Variants in CNNM2 observed in about 807,000 individuals in gnomAD.
The protein encoded by CNNM2 is metal transporter CNNM2.
A neutral mutation model predicts 66.9 loss-of-function variants in CNNM2; 12 were observed. That is an observed-to-expected ratio of 0.18 (90% CI 0.11 to 0.29). The LOEUF is 0.29. Among genes scored for constraint, CNNM2 ranks in the 10% least tolerant of loss-of-function variants. CNNM2 has a pLI of 1.00. For missense variants in CNNM2, 705 were observed against 1,167.7 expected (o/e 0.60, Z 5.77); for synonymous variants, 557 against 501.8 (o/e 1.11, Z -1.47).
intron 1 of CNNM2, among the ~76,000 whole-genome samples, chr10:102,933,725 A>G (rs1590270171): frequency 6.6e-6 from 1 of 152,190 alleles, no homozygotes; most frequent in Admixed American, 6.5e-5. Context: ...TTTTTAAGAC[A>G]GGGTCTCATT....
intron 5 of CNNM2, among the ~76,000 whole-genome samples, chr10:103,069,874 C>T (rs2065545505): frequency 6.6e-6 from 1 of 152,212 alleles, no homozygotes; most frequent in African/African-American, 2.4e-5. Flanking sequence ...AAAAATAACC[C>T]ATTTTAAAAG....
chr10:102,945,508 C>T (rs1009213681), intron 1 of CNNM2, among the ~76,000 whole-genome samples: 3 of 152,212 alleles, frequency 2.0e-5, no homozygotes, highest in Non-Finnish European at 4.4e-5. Context: ...TTCATTTATT[C>T]AAAAGAGGCA....
intron 1 of CNNM2, among the ~76,000 whole-genome samples, chr10:103,047,832 A>G (rs2065151173): frequency 6.6e-6 from 1 of 152,206 alleles, no homozygotes; most frequent in Non-Finnish European, 1.5e-5. Flanking sequence ...GTTTGTTAAT[A>G]TCACCAGCAA....
chr10:102,996,169 TG>T (rs2063999098), intron 1 of CNNM2, among the ~76,000 whole-genome samples: 1 of 152,192 alleles, frequency 6.6e-6, no homozygotes, highest in Non-Finnish European at 1.5e-5. Flanking sequence ...CTTTCTTTTT[TG>T]TTAGTCTTTC....
At chr10:103,019,586 G>GTTT (rs1294527845) in intron 1 of CNNM2, among the ~76,000 whole-genome samples, 1 of 152,162 alleles carries the variant, frequency 6.6e-6, no homozygotes, top group Non-Finnish European at 1.5e-5. Context: ...ATCTGGGAGA[G>GTTT]GAAAGCCTGT....
At chr10:103,011,533 G>A (rs755946903) in intron 1 of CNNM2, among the ~76,000 whole-genome samples, 6 of 152,026 alleles carry the variant, frequency 3.9e-5, no homozygotes, top group Admixed American at 1.3e-4. Flanking sequence ...AATGCTTCAA[G>A]AATTAAATGA....
intron 1 of CNNM2, among the ~76,000 whole-genome samples, chr10:103,004,836 A>G (rs935056113): frequency 6.6e-6 from 1 of 152,154 alleles, no homozygotes; most frequent in African/African-American, 2.4e-5. Context: ...CATAAATTTT[A>G]TAATTGGTAT....
At chr10:102,927,539 C>A in intron 1 of CNNM2, 1 of 1,344,728 alleles carries the variant, frequency 7.4e-7, no homozygotes. Flanking sequence ...GGAGGTGGAT[C>A]ACTTGAGGTC....
At position 103,077,202 on chromosome 10, in the gene CNNM2, C is replaced by A; in HGVS notation, c.*22C>A. Reference sequence around the variant, plus strand: ...CTAGGCCGCGCTGGCTGCACCCGCCCAGGCCCGCACCCGCCCAGTCCCGAG... The same window carrying A: ...CTAGGCCGCGCTGGCTGCACCCGCCAAGGCCCGCACCCGCCCAGTCCCGAG... On this transcript the variant is annotated 3_prime_UTR_variant, in exon 8 of 8. Transcript: ENST00000369878. The A allele has an allele frequency of 6.2e-7, 1 of 1,606,300 alleles. No homozygotes were observed. The highest frequency in any genetic ancestry group is 1.1e-5 in the South Asian group (1 of 90,870).
intron 1 of CNNM2, among the ~76,000 whole-genome samples, chr10:102,926,918 C>T (rs1845887667): frequency 6.6e-6 from 1 of 151,876 alleles, no homozygotes; most frequent in Non-Finnish European, 1.5e-5. Context: ...GAGGTCATGC[C>T]ATGTTGTCCA....
At chr10:103,046,374 A>G (rs184978280) in intron 1 of CNNM2, among the ~76,000 whole-genome samples, 16 of 152,320 alleles carry the variant, frequency 1.1e-4, no homozygotes, top group Non-Finnish European at 7.3e-5. Context: ...TTGGAATGCT[A>G]AGCTTGTGGG....
intron 4 of CNNM2, 177 bp from the exon 5 acceptor site, chr10:103,068,452 T>G: frequency 1.6e-6 from 1 of 612,860 alleles, no homozygotes; most frequent in Non-Finnish European, 3.0e-6. Flanking sequence ...CCAGTTTTCA[T>G]ATTTAAAGCG....
intron 1 of CNNM2, among the ~76,000 whole-genome samples, chr10:102,960,809 T>TG (rs1327877630): frequency 7.8e-6 from 1 of 127,564 alleles, no homozygotes; most frequent in Non-Finnish European, 1.6e-5. Flanking sequence ...TTTTTTGAGA[T>TG]GGAGTCCTGC....
chr10:102,928,533 G>C (rs1845955154), intron 1 of CNNM2, among the ~76,000 whole-genome samples: 1 of 150,978 alleles, frequency 6.6e-6, no homozygotes, highest in Admixed American at 6.6e-5. Context: ...AGTGAGCCGG[G>C]ATTGCGCCAC....
chr10:102,965,602 C>T (rs1226057760), intron 1 of CNNM2, among the ~76,000 whole-genome samples: 1 of 152,172 alleles, frequency 6.6e-6, no homozygotes. Context: ...GTCTGCTTTA[C>T]TGTTTTCATG....
At chr10:102,929,890 T>C (rs1164753191) in intron 1 of CNNM2, among the ~76,000 whole-genome samples, 7 of 152,228 alleles carry the variant, frequency 4.6e-5, no homozygotes. Flanking sequence ...ATTTTAACAC[T>C]GATTGCATAA....
chr10:102,918,353 TGTCA>T lies in CNNM2; in HGVS notation c.-122_-119del, dbSNP rs1011671907. ...CCTCAGCTGGCTGAGGTGGAGTCAG[TGTCA>T]GTCAGGGAGGCGAACTGCTGAGCAC... On this transcript the variant is annotated 5_prime_UTR_variant, in exon 1 of 8. Coordinates refer to ENST00000369878, the MANE Select transcript of CNNM2 (RefSeq NM_017649.5). The surrounding 1 kb of genome is among the most constrained non-coding windows in gnomAD (Gnocchi z 4.1). The T allele has an allele frequency of 9.7e-6, 14 of 1,445,854 alleles. No homozygotes were observed. The African/African-American group carries it at 1.0e-4, about 11-fold the overall frequency. The allele number at this position is 1,445,854 out of a possible 1,614,324, so 89.6% of individuals were successfully genotyped here.
intron 1 of CNNM2, among the ~76,000 whole-genome samples, chr10:102,938,273 T>TTA (rs1554889772): frequency 7.1e-6 from 1 of 141,494 alleles, no homozygotes; most frequent in African/African-American, 2.6e-5. Context: ...CCATCTCTTC[T>TTA]AAAAAAAAAA....
chr10:103,001,681 TATATC>T (rs946255079), intron 1 of CNNM2, among the ~76,000 whole-genome samples: 9 of 152,026 alleles, frequency 5.9e-5, no homozygotes, highest in Non-Finnish European at 1.0e-4. Flanking sequence ...GAACTAAAAA[TATATC>T]AGAGACCTAA....
Sources: gnomAD v4.1 joint callset for allele counts (sites outside exome capture counted in the v4.1 genomes callset) on GRCh38, gnomAD v4.1.1 for gene constraint, Gnocchi (gnomAD v3.1) non-coding constraint, MANE v1.5 for transcripts, NCBI Gene and HGNC (gene_info 2026-07-23, HGNC 2026-07-21) for gene names.